The following GSDME variants were observed in gnomAD, a reference collection of about 807,000 sequenced individuals.
The protein encoded by GSDME is gasdermin-E.
A neutral mutation model predicts 47.5 loss-of-function variants in GSDME; 44 were observed. The ratio of observed to expected loss-of-function variants is 0.93; its 90% CI spans 0.73 to 1.19. The LOEUF is 1.19. Ranked by LOEUF, GSDME falls within the 50% of genes most tolerant of loss-of-function variation. The pLI, the probability that GSDME is intolerant of heterozygous loss-of-function variation, is 0.00. For synonymous variants in GSDME, 258 were observed against 252.8 expected (o/e 1.02, Z -0.20); for missense variants, 663 against 604.2 (o/e 1.10, Z -1.02).
Position 24,706,275 on chromosome 7 carries a change from C to G in GSDME, c.1092G>C (p.Gly364=), listed in dbSNP as rs1490889239. Residue 364 remains glycine (G), a synonymous_variant, in exon 8 of 10, where the codon GGG becomes GGC. Coordinates refer to ENST00000645220, the MANE Select transcript of GSDME (RefSeq NM_001127453.2). ...QDLVAFLQLV[G]CSLQGGCPGP... Reference sequence around the variant, plus strand: ...CCGGACACCCACCCTGTAAGCTGCACCCCACCAGCTGCAGGAAGGCCACAA... The same window carrying G: ...CCGGACACCCACCCTGTAAGCTGCAGCCCACCAGCTGCAGGAAGGCCACAA... The G allele has an allele frequency of 1.5e-5, 24 of 1,614,058 alleles. No individual in the cohort carries two copies. The highest frequency in any genetic ancestry group is 1.9e-5 in the Non-Finnish European group (23 of 1,180,042).
rs1421664209 is a variant in GSDME, at chr7:24,757,132, G to C, written c.-20+264C>G. Among the ~76,000 whole-genome samples, 1 of 152,164 alleles carries C rather than the reference G, an allele frequency of 6.6e-6. No individual in the cohort carries two copies. The highest frequency in any genetic ancestry group is 1.5e-5 in the Non-Finnish European group (1 of 68,014). ...GGGGAGAGGATGGGAAGGGGATGCT[G>C]ACTGCGAGTTGGGGCGGGACGCGGT... On this transcript the variant is annotated intron_variant, in intron 1 of 9. Coordinates refer to ENST00000645220, the MANE Select transcript of GSDME (RefSeq NM_001127453.2). The surrounding 1 kb of genome is among the most constrained non-coding windows in gnomAD (Gnocchi z 5.9).
chr7:24,755,998 G>A (rs1791004999), intron 1 of GSDME, among the ~76,000 whole-genome samples: 1 of 152,148 alleles, frequency 6.6e-6, no homozygotes, highest in African/African-American at 2.4e-5. Flanking sequence ...GAACAGAGGT[G>A]GCATCTTTTA....
intron 4 of GSDME, among the ~76,000 whole-genome samples, chr7:24,718,033 G>A (rs748457970): frequency 1.3e-5 from 2 of 152,230 alleles, no homozygotes; most frequent in African/African-American, 2.4e-5. Context: ...CTTGATCCTG[G>A]TCAGAGTGTG....
the GSDME span, among the ~76,000 whole-genome samples, chr7:24,789,451 G>T: frequency 1.4e-3 from 215 of 152,346 alleles, no homozygotes; most frequent in African/African-American, 4.9e-3. Flanking sequence ...GGGTCCGCGT[G>T]AGCAGGTCGT....
At chr7:24,750,277 T>C (rs1343995531) in intron 1 of GSDME, among the ~76,000 whole-genome samples, 1 of 152,132 alleles carries the variant, frequency 6.6e-6, no homozygotes, top group Non-Finnish European at 1.5e-5. Flanking sequence ...ACTAGTCACA[T>C]GGCTTCAACC....
the GSDME span, among the ~76,000 whole-genome samples, chr7:24,779,148 C>T: frequency 6.6e-6 from 1 of 152,144 alleles, no homozygotes; most frequent in South Asian, 2.1e-4. The surrounding 1 kb of genome is among the most constrained non-coding windows in gnomAD (Gnocchi z 6.0). Flanking sequence ...CCTAAAATAA[C>T]TGAAAGGCAG....
chr7:24,793,432 T>G, the GSDME span, among the ~76,000 whole-genome samples: 1 of 152,182 alleles, frequency 6.6e-6, no homozygotes, highest in Non-Finnish European at 1.5e-5. Flanking sequence ...AAACAAAATT[T>G]TTAAAAACCT....
chr7:24,768,506 T>C, the GSDME span, among the ~76,000 whole-genome samples: 2 of 152,210 alleles, frequency 1.3e-5, no homozygotes, highest in Non-Finnish European at 2.9e-5. This position sits in a 1 kb window ranked among gnomAD's most constrained non-coding sequence, Gnocchi z 5.6. Context: ...CTAAGCTCTC[T>C]TTAGTCCTTG....
intron 6 of GSDME, among the ~76,000 whole-genome samples, chr7:24,708,574 G>C (rs1207419181): frequency 1.3e-5 from 2 of 152,138 alleles, no homozygotes; most frequent in Non-Finnish European, 2.9e-5. Context: ...TTCTTCTTTA[G>C]CATGACTTCT....
the GSDME span, among the ~76,000 whole-genome samples, chr7:24,774,021 G>T: frequency 6.6e-6 from 1 of 152,112 alleles, no homozygotes; most frequent in Middle Eastern, 3.2e-3. Flanking sequence ...CATTTACCCT[G>T]CTTCCTTTAG....
chr7:24,727,262 G>C (rs1038390484), intron 3 of GSDME, among the ~76,000 whole-genome samples: 1 of 152,170 alleles, frequency 6.6e-6, no homozygotes, highest in Non-Finnish European at 1.5e-5. Flanking sequence ...CCAAAATCAG[G>C]AACTGCATCT....
chr7:24,787,037 C>T, the GSDME span, among the ~76,000 whole-genome samples: 1 of 152,134 alleles, frequency 6.6e-6, no homozygotes, highest in East Asian at 1.9e-4. This position sits in a 1 kb window ranked among gnomAD's most constrained non-coding sequence, Gnocchi z 5.0. Flanking sequence ...GGCATGATTT[C>T]CTTGGCCTCC....
At chr7:24,708,830 C>T (rs1425152073) in intron 6 of GSDME, among the ~76,000 whole-genome samples, 1 of 152,204 alleles carries the variant, frequency 6.6e-6, no homozygotes, top group African/African-American at 2.4e-5. Flanking sequence ...ACTGAGTCCC[C>T]GAAGCTATTG....
At chr7:24,740,812 G>A (rs944311224) in intron 3 of GSDME, among the ~76,000 whole-genome samples, 1 of 152,062 alleles carries the variant, frequency 6.6e-6, no homozygotes, top group African/African-American at 2.4e-5. Context: ...TCTCATTACT[G>A]TATGTGCATA....
the GSDME span, among the ~76,000 whole-genome samples, chr7:24,776,748 C>T: frequency 6.6e-6 from 1 of 152,196 alleles, no homozygotes; most frequent in Non-Finnish European, 1.5e-5. Context: ...TCTTAGGTCA[C>T]TATTCCCACT....
In GSDME at chr7:24,749,735, C is replaced by G. The variant is rs759003602; in HGVS notation, c.40G>C (p.Asp14His). Residue 14 changes from aspartate (D) to histidine (H), a missense_variant, in exon 2 of 10, where the codon GAT becomes CAT. Coordinates refer to ENST00000645220, the MANE Select transcript of GSDME (RefSeq NM_001127453.2). Reference protein sequence around the residue: ...KATRNFLREVDADGDLIAVSN... With the variant: ...KATRNFLREVHADGDLIAVSN... ...ACTGCAATCAGGTCACCATCAGCAT[C>G]AACTTCTCTAAGAAAATTCCTGGTT... The G allele has an allele frequency of 6.2e-7, 1 of 1,614,048 alleles. No homozygotes were observed. Among genetic ancestry groups the G allele is most frequent in the Non-Finnish European group, 8.5e-7 (1 of 1,180,030 alleles).
chr7:24,705,763 A>AGGGT lies in GSDME; in HGVS notation c.1183+417_1183+420dup, dbSNP rs1319385978. ...CCCCTTGCCCCAGACAGGAGCACGC[A>AGGGT]GGGTGGGGAATAACAAGTTTGCAAA... On this transcript the variant is annotated intron_variant, in intron 8 of 9. Transcript: ENST00000645220. This position sits in a 1 kb window ranked among gnomAD's most constrained non-coding sequence, Gnocchi z 4.1. The AGGGT allele has an allele frequency of 3.1e-6, 1 of 323,764 alleles. No homozygotes were observed. Among genetic ancestry groups the AGGGT allele is most frequent in the Admixed American group, 4.3e-5 (1 of 23,186 alleles). The allele number at this position is 323,764 out of a possible 1,614,324, so 20.1% of individuals were successfully genotyped here.
the GSDME span, among the ~76,000 whole-genome samples, chr7:24,794,293 T>C: frequency 6.0e-4 from 49 of 82,192 alleles, no homozygotes; most frequent in East Asian, 6.7e-3. Context: ...CTCTCTCTCT[T>C]TCTCTCCTCT....
rs765924349 is a variant in GSDME, at chr7:24,717,360, C to T, written c.591G>A (p.Glu197=). 6.2e-7 allele frequency: 1 copy of T among 1,614,156 alleles called. No individual in the cohort carries two copies. Among genetic ancestry groups the T allele is most frequent in the Non-Finnish European group, 8.5e-7 (1 of 1,180,032 alleles). ...QTKTVQVSAT[E]DGNVTKDSNV... is the part of the protein sequence containing the mutation. ...TGGAGTCCTTGGTGACATTCCCATC[C>T]TCCGTCGCTGACACCTGTGGGCAAA... The change falls in exon 5 of 10, where the codon GAG becomes GAA. Residue 197 remains glutamate, a synonymous_variant. Coordinates refer to ENST00000645220, the MANE Select transcript of GSDME (RefSeq NM_001127453.2).
Sources: allele counts gnomAD v4.1 joint callset (sites outside exome capture counted in the v4.1 genomes callset), GRCh38; gene constraint gnomAD v4.1.1; non-coding constraint Gnocchi (gnomAD v3.1); transcripts MANE v1.5; gene names NCBI Gene and HGNC (gene_info 2026-07-23, HGNC 2026-07-21).